ZFYVE19: variants seen among roughly 807,000 people sequenced by gnomAD.
ZFYVE19 encodes zinc finger FYVE-type containing 19.
In ZFYVE19, 49 loss-of-function variants were observed where a neutral mutation model predicts 62.8. The observed-to-expected ratio is 0.78, with a 90% confidence interval of 0.62 to 0.99. The LOEUF (loss-of-function observed/expected upper bound fraction) is 0.99, where lower values mean the gene tolerates loss of function less well. Ranked by LOEUF, ZFYVE19 falls within the 50% of genes least tolerant of loss-of-function variation. The pLI, the probability that ZFYVE19 is intolerant of heterozygous loss-of-function variation, is 0.00. For missense variants in ZFYVE19, 630 were observed against 601.9 expected (o/e 1.05, Z -0.49); for synonymous variants, 242 against 234.3 (o/e 1.03, Z -0.30).
Position 40,813,578 on chromosome 15 carries a change from G to C in ZFYVE19, c.1111-135G>C. The C allele has an allele frequency of 3.5e-6, 4 of 1,140,886 alleles. No homozygotes were observed. The South Asian group carries it at 6.1e-5, about 18-fold the overall frequency. The allele number at this position is 1,140,886 out of a possible 1,614,324, so 70.7% of individuals were successfully genotyped here. ...CCTGCCCACTGGTCCCTGGAGATAG[G>C]GAATCAGCAGCCACAGGCCACAAGT... On this transcript the variant is annotated intron_variant, in intron 8 of 10. Transcript: ENST00000355341.
chr15:40,809,618 T>C (rs75175293), intron 3 of ZFYVE19, among the ~76,000 whole-genome samples, 160 bp downstream of exon 3: 1 of 152,222 alleles, frequency 6.6e-6, no homozygotes, highest in African/African-American at 2.4e-5. Flanking sequence ...AAAGCAGCTC[T>C]TCAGCCCTCT....
intron 1 of ZFYVE19, chr15:40,808,839 C>G (rs972405475): frequency 5.3e-6 from 2 of 379,342 alleles, no homozygotes; most frequent in East Asian, 1.1e-4. Context: ...AAATACTGGG[C>G]TTTATCTATC....
Position 40,807,904 on chromosome 15 carries a change from G to A in ZFYVE19, c.279+36G>A, listed in dbSNP as rs540206636. 6 of 1,552,036 alleles carry A rather than the reference G, an allele frequency of 3.9e-6. No homozygotes were observed. In the African/African-American group the frequency reaches 8.2e-5, roughly 21 times the overall value. On this transcript the variant is annotated intron_variant, in intron 1 of 10. Transcript: ENST00000355341. ...CCTCCCCGAGGGCTGCAGGGCCAGG[G>A]AGGAGAGGAGGGAAAAGCGCGGGAC...
At chr15:40,808,994 CTCT>C (rs1890382035) in intron 1 of ZFYVE19, 122 bp from the exon 2 acceptor site, 2 of 1,462,024 alleles carry the variant, frequency 1.4e-6, no homozygotes, top group East Asian at 2.3e-5. Flanking sequence ...GGCCCCACTC[CTCT>C]TCTTCCTCCC....
rs1890308380 is a variant in ZFYVE19, at chr15:40,807,775, T to G, written c.186T>G (p.Arg62=). The part of the protein sequence containing the change: ...EGPRGPGLGR[R]DLSSADPAVL... ...CAAGGGGCCCAGGACTTGGCCGGCG[T>G]GATCTCAGCTCTGCAGACCCTGCGG... Residue 62 remains arginine (R), a synonymous_variant, in exon 1 of 11, where the codon CGT becomes CGG. Coordinates refer to ENST00000355341, the MANE Select transcript of ZFYVE19 (RefSeq NM_001077268.2). The G allele has an allele frequency of 6.3e-7, 1 of 1,581,256 alleles. No homozygotes were observed. Among genetic ancestry groups the G allele is most frequent in the Non-Finnish European group, 8.6e-7 (1 of 1,168,292 alleles).
Position 40,813,702 on chromosome 15 carries a change from C to T in ZFYVE19, c.1111-11C>T. Reference sequence around the variant, plus strand: ...AAGCAGGGGAGTAGTACATCTTCACCCTGTCCGCAGCTCACTGAAGAAGCT... The same window carrying T: ...AAGCAGGGGAGTAGTACATCTTCACTCTGTCCGCAGCTCACTGAAGAAGCT... On this transcript the variant is annotated splice_polypyrimidine_tract_variant and intron_variant, in intron 8 of 10. Transcript: ENST00000355341. The T allele has an allele frequency of 1.2e-6, 2 of 1,610,742 alleles. No individual in the cohort carries two copies. The highest frequency in any genetic ancestry group is 1.7e-5 in the Admixed American group (1 of 59,406).
At position 40,807,653 on chromosome 15, in the gene ZFYVE19, T is replaced by C. The variant is rs746822143; in HGVS notation, c.64T>C (p.Ser22Pro). ...GCCGTACGCTGGCTGCAGGAGAGCG[T>C]CCGGATTCCCTGCTCTAGGTCGCGG... The part of the protein sequence containing the change: ...PLPYAGCRRA[S>P]GFPALGRGGT... Residue 22 changes from serine to proline, a missense_variant, in exon 1 of 11, where the codon TCC (serine) becomes CCC (proline). Physicochemically the swap from Ser to Pro is moderately conservative, Grantham distance 74. Coordinates refer to ENST00000355341, the MANE Select transcript of ZFYVE19 (RefSeq NM_001077268.2). 9 of 1,612,482 alleles carry C rather than the reference T, an allele frequency of 5.6e-6. No homozygotes were observed. The highest frequency in any genetic ancestry group is 5.9e-6 in the Non-Finnish European group (7 of 1,179,772).
chr15:40,809,255 T>C lies in ZFYVE19; in HGVS notation c.401+15T>C. On this transcript the variant is annotated intron_variant, in intron 2 of 10. Coordinates refer to ENST00000355341, the MANE Select transcript of ZFYVE19 (RefSeq NM_001077268.2). ...GTCCTGACCAGGTAAGAGGCAGGCA[T>C]GGGTGAAAGTTCAGCCAAGTATGGC... 2 of 1,613,750 alleles carry C rather than the reference T, an allele frequency of 1.2e-6. No homozygotes were observed. The highest frequency in any genetic ancestry group is 2.2e-5 in the South Asian group (2 of 91,066).
Position 40,814,387 on chromosome 15 carries a change from T to C in ZFYVE19, c.*161T>C. On this transcript the variant is annotated 3_prime_UTR_variant, in exon 11 of 11. Coordinates refer to ENST00000355341, the MANE Select transcript of ZFYVE19 (RefSeq NM_001077268.2). ...CCCTGGAATGAGGAAAGATTCTCCA[T>C]TCGAGAGAATGACTGGGAGGGAAGA... is the stretch of plus-strand genomic sequence containing the variant. The C allele has an allele frequency of 1.2e-6, 1 of 807,516 alleles. No homozygotes were observed. 50.0% of individuals were successfully genotyped at this position (807,516 alleles called of 1,614,324 possible).
Position 40,807,462 on chromosome 15 carries a change from G to C in ZFYVE19, c.-128G>C. ...TCACTGCCATGGTTCCGGCCTGACG[G>C]ATTCGTACTACAACTCCCAAGAGTC... On this transcript the variant is annotated 5_prime_UTR_variant, in exon 1 of 11. Coordinates refer to ENST00000355341, the MANE Select transcript of ZFYVE19 (RefSeq NM_001077268.2). The C allele has an allele frequency of 6.2e-7, 1 of 1,614,156 alleles. No individual in the cohort carries two copies. Among genetic ancestry groups the C allele is most frequent in the Non-Finnish European group, 8.5e-7 (1 of 1,179,974 alleles).
At position 40,807,680 on chromosome 15, in the gene ZFYVE19, G is replaced by A. The variant is rs766831896; in HGVS notation, c.91G>A (p.Gly31Arg). Residue 31 changes from glycine (G) to arginine (R), a missense_variant, in exon 1 of 11, where the codon GGG (glycine) becomes AGG (arginine). By Grantham distance (125) the Gly-to-Arg change is moderately radical. Transcript: ENST00000355341. ...CGGATTCCCTGCTCTAGGTCGCGGC[G>A]GGACAGTGCCAGTGGGCGTGTGGGG... ...ASGFPALGRGGTVPVGVWGGA... is the reference protein window; with the variant it reads ...ASGFPALGRGRTVPVGVWGGA... 1.9e-6 allele frequency: 3 copies of A among 1,609,744 alleles called. No homozygotes were observed. Among genetic ancestry groups the A allele is most frequent in the African/African-American group, 1.3e-5 (1 of 74,794 alleles).
chr15:40,809,159 G>T lies in ZFYVE19; in HGVS notation c.320G>T (p.Cys107Phe), dbSNP rs762754294. The change falls in exon 2 of 11, where the codon TGC becomes TTC. Residue 107 changes from cysteine (C) to phenylalanine (F), a missense_variant. Cys to Phe is a radical substitution (Grantham distance 205, BLOSUM62 -2). Transcript: ENST00000355341. ...KNCGRAFCSGCLSFSAAVPRT... is the reference protein window; with the variant it reads ...KNCGRAFCSGFLSFSAAVPRT... The stretch of plus-strand genomic sequence containing the variant: ...TGTGGCAGGGCCTTCTGTTCAGGCT[G>T]CCTAAGCTTCAGTGCAGCAGTGCCT... The T allele has an allele frequency of 6.2e-7, 1 of 1,614,064 alleles. No individual in the cohort carries two copies. Among genetic ancestry groups the T allele is most frequent in the Admixed American group, 1.7e-5 (1 of 59,996 alleles).
Position 40,813,734 on chromosome 15 carries a change from G to T in ZFYVE19, c.1132G>T (p.Asp378Tyr), listed in dbSNP as rs772814401. The T allele has an allele frequency of 1.9e-6, 3 of 1,614,018 alleles. No homozygotes were observed. ...GCAGCTCACTGAAGAAGCTTCCCTG[G>T]ATGAGGCAAGTGGCTTTAACATCCC... is the stretch of plus-strand genomic sequence containing the variant. ...LQQLTEEASL[D>Y]EASGFNIPAE... is the part of the protein sequence containing the mutation. The change falls in exon 9 of 11, where the codon GAT (aspartate) becomes TAT (tyrosine). Residue 378 changes from aspartate (D) to tyrosine (Y), a missense_variant. By Grantham distance (160) the Asp-to-Tyr change is radical. Coordinates refer to ENST00000355341, the MANE Select transcript of ZFYVE19 (RefSeq NM_001077268.2).
chr15:40,809,810 C>T (rs1325040567), intron 3 of ZFYVE19, 42 bp from the exon 4 acceptor site: 2 of 1,597,632 alleles, frequency 1.3e-6, no homozygotes, highest in Admixed American at 1.7e-5. Context: ...TTCACTCTTC[C>T]CCTCTGCCTT....
chr15:40,810,112 G>T lies in ZFYVE19; in HGVS notation c.613G>T (p.Ala205Ser). Reference sequence around the variant, plus strand: ...GGCAGAGATAGAGGCACGGCTGGCTGCCCTAAAGGATGAACGTCAGGGTTC... The same window carrying T: ...GGCAGAGATAGAGGCACGGCTGGCTTCCCTAAAGGATGAACGTCAGGGTTC... ...SQAEIEARLA[A>S]LKDERQGSIP... is the part of the protein sequence containing the mutation. The change falls in exon 5 of 11, where the codon GCC (alanine) becomes TCC (serine). Residue 205 changes from alanine to serine, a missense_variant. Transcript: ENST00000355341. 3 of 1,614,182 alleles carry T rather than the reference G, an allele frequency of 1.9e-6. No homozygotes were observed. Among genetic ancestry groups the T allele is most frequent in the Non-Finnish European group, 1.7e-6 (2 of 1,180,040 alleles).
Position 40,807,509 on chromosome 15 carries a change from G to T in ZFYVE19, c.-81G>T. On this transcript the variant is annotated 5_prime_UTR_variant, in exon 1 of 11. It adds an upstream start codon to the 5' untranslated region. Transcript: ENST00000355341. ...AGTCTAAGCGCGCGTGAGGACTGCA[G>T]GCTCCGAGCGGCGCCTAGCCCTCTG... The T allele has an allele frequency of 6.2e-7, 1 of 1,608,820 alleles. No homozygotes were observed. The highest frequency in any genetic ancestry group is 1.1e-5 in the South Asian group (1 of 90,744).
In ZFYVE19 at chr15:40,809,197, A is replaced by G. The variant is rs754338628; in HGVS notation, c.358A>G (p.Thr120Ala). The change falls in exon 2 of 11, where the codon ACC becomes GCC. Residue 120 changes from threonine (T) to alanine (A), a missense_variant. Physicochemically the swap from Thr to Ala is moderately conservative, Grantham distance 58. Transcript: ENST00000355341. ...FSAAVPRTGN[T>A]QQKVCKQCHE... ...TGCAGCAGTGCCTCGGACTGGGAAC[A>G]CCCAACAGAAAGTCTGCAAGCAATG... 9.9e-6 allele frequency: 16 copies of G among 1,614,190 alleles called. 1 individual carries two copies. The highest frequency in any genetic ancestry group is 1.4e-5 in the Non-Finnish European group (16 of 1,180,034).
At chr15:40,808,395 T>C (rs1436948352) in intron 1 of ZFYVE19, 6 of 1,594,858 alleles carry the variant, frequency 3.8e-6, no homozygotes, top group Non-Finnish European at 4.2e-6. Flanking sequence ...TCTGCCTCAG[T>C]TGTGGCCAGG....
intron 6 of ZFYVE19, chr15:40,811,094 G>C (rs1467402544): frequency 9.6e-6 from 3 of 312,216 alleles, no homozygotes; most frequent in African/African-American, 6.5e-5. Context: ...GAGTAAACGA[G>C]ATAATCCAAT....
Sources: gnomAD v4.1 joint callset for allele counts (sites outside exome capture counted in the v4.1 genomes callset) on GRCh38, gnomAD v4.1.1 for gene constraint, MANE v1.5 for transcripts, NCBI Gene and HGNC (gene_info 2026-07-23, HGNC 2026-07-21) for gene names.